BLM: variants seen among roughly 807,000 people sequenced by gnomAD.
BLM encodes the protein recQ-like DNA helicase BLM.
A neutral mutation model predicts 135.3 loss-of-function variants in BLM; 95 were observed. That is an observed-to-expected ratio of 0.70 (90% CI 0.59 to 0.83). The LOEUF is 0.83. Ranked by LOEUF, BLM falls within the 40% of genes least tolerant of loss-of-function variation. The probability of loss-of-function intolerance (pLI) is 0.00; values close to 1 mark genes in which losing one functional copy is unlikely to be tolerated. For synonymous variants in BLM, 520 were observed against 589.2 expected (o/e 0.88, Z 1.70); for missense variants, 1,518 against 1,663.9 (o/e 0.91, Z 1.53).
At chr15:90,798,772 A>G (rs1897093478) in intron 17 of BLM, among the ~76,000 whole-genome samples, 1 of 151,698 alleles carries the variant, frequency 6.6e-6, no homozygotes, top group Admixed American at 6.6e-5. Context: ...ACCTGAGATC[A>G]GGAGTTTGAG....
chr15:90,779,131 C>G (rs910341081), intron 12 of BLM, among the ~76,000 whole-genome samples: 6 of 152,124 alleles, frequency 3.9e-5, no homozygotes, highest in African/African-American at 1.4e-4. Context: ...ATGATCCGCC[C>G]AACTCAGCCT....
At chr15:90,799,948 G>A (rs1897126105) in intron 17 of BLM, among the ~76,000 whole-genome samples, 2 of 152,192 alleles carry the variant, frequency 1.3e-5, no homozygotes, top group Admixed American at 6.5e-5. Flanking sequence ...CAGATGGACT[G>A]TTAGGAGACC....
intron 1 of BLM, among the ~76,000 whole-genome samples, chr15:90,737,026 A>C (rs1483256307): frequency 6.6e-6 from 1 of 152,318 alleles, no homozygotes; most frequent in Admixed American, 6.5e-5. Flanking sequence ...AGAACAGTAC[A>C]AACACAAACT....
chr15:90,751,868 A>T lies in BLM; in HGVS notation c.881A>T (p.Asp294Val). The T allele has an allele frequency of 6.2e-7, 1 of 1,612,748 alleles. No homozygotes were observed. Among genetic ancestry groups the T allele is most frequent in the Non-Finnish European group, 8.5e-7 (1 of 1,178,794 alleles). Residue 294 changes from aspartate (D) to valine (V), a missense_variant, in exon 4 of 22, where the codon GAT becomes GTT. Transcript: ENST00000355112. ...EKVPCIEFDD[D>V]DYDTDFVPPS... ...GTTCCATGTATTGAATTTGATGATGATGATTATGATACGGATTTTGTTCCA... is the reference window on the plus strand; with the variant it reads ...GTTCCATGTATTGAATTTGATGATGTTGATTATGATACGGATTTTGTTCCA...
chr15:90,751,665 C>A, intron 3 of BLM, 122 bp from the exon 4 acceptor site: 1 of 758,934 alleles, frequency 1.3e-6, no homozygotes, highest in Non-Finnish European at 2.2e-6. Flanking sequence ...GGAGAGGATC[C>A]ATACAAAGTG....
chr15:90,762,879 G>T, intron 7 of BLM, 87 bp from the exon 8 acceptor site: 1 of 1,231,374 alleles, frequency 8.1e-7, no homozygotes, highest in Non-Finnish European at 1.2e-6. Flanking sequence ...ACGTGTGCCA[G>T]TGATTCTGCA....
intron 1 of BLM, among the ~76,000 whole-genome samples, chr15:90,728,612 G>A (rs1596199396): frequency 6.8e-6 from 1 of 147,410 alleles, no homozygotes; most frequent in Non-Finnish European, 1.5e-5. Context: ...CACCATGTTG[G>A]CCAGGCTGGT....
At chr15:90,793,981 C>G (rs1280009656) in intron 15 of BLM, 186 bp from the exon 16 acceptor site, 1 of 388,648 alleles carries the variant, frequency 2.6e-6, no homozygotes, top group South Asian at 5.4e-5. Flanking sequence ...TCCTATAGTA[C>G]TAAAATCTTG....
Position 90,785,060 on chromosome 15 carries a change from G to A in BLM, c.2802G>A (p.Trp934Ter). The stretch of plus-strand genomic sequence containing the variant: ...CCAGAGATGAAGTGCAGCAGAAGTG[G>A]ATTAATCAGGATGGCTGTCAGGTAA... The part of the protein sequence containing the change: ...DSARDEVQQK[W>*]INQDGCQVIC... Residue 934 changes from tryptophan (W) to a stop codon, truncating the protein, a stop_gained, in exon 14 of 22, where the codon TGG becomes TGA. Coordinates refer to ENST00000355112, the MANE Select transcript of BLM (RefSeq NM_000057.4). LOFTEE classifies it high-confidence loss of function. 1 of 1,614,108 alleles carries A rather than the reference G, an allele frequency of 6.2e-7. No individual in the cohort carries two copies. The highest frequency in any genetic ancestry group is 8.5e-7 in the Non-Finnish European group (1 of 1,180,010).
intron 17 of BLM, among the ~76,000 whole-genome samples, chr15:90,801,165 TAA>T (rs151335121): frequency 2.7e-5 from 2 of 75,064 alleles, no homozygotes; most frequent in Non-Finnish European, 6.2e-5. Flanking sequence ...AAAAAAGTTG[TAA>T]AAAAAAAAAA....
chr15:90,767,380 A>G (rs1896163161), intron 10 of BLM, among the ~76,000 whole-genome samples: 2 of 152,224 alleles, frequency 1.3e-5, no homozygotes, highest in Admixed American at 1.3e-4. Context: ...TTCTGGTTTC[A>G]CTAGTTGTCC....
At chr15:90,743,835 C>T (rs1253772209) in intron 1 of BLM, among the ~76,000 whole-genome samples, 2 of 152,216 alleles carry the variant, frequency 1.3e-5, no homozygotes, top group East Asian at 3.8e-4. Flanking sequence ...ATTATGTACT[C>T]ATTACCATAC....
At chr15:90,751,316 G>A (rs1895676162) in intron 3 of BLM, among the ~76,000 whole-genome samples, 1 of 152,126 alleles carries the variant, frequency 6.6e-6, no homozygotes, top group African/African-American at 2.4e-5. Flanking sequence ...GGGAAAATTT[G>A]TTAAAAGATA....
At chr15:90,763,605 A>G (rs1012265966) in intron 8 of BLM, among the ~76,000 whole-genome samples, 4 of 152,224 alleles carry the variant, frequency 2.6e-5, no homozygotes, top group African/African-American at 9.7e-5. Flanking sequence ...TCTGCTGCTC[A>G]CAGCAGTGTG....
At position 90,797,414 on chromosome 15, in the gene BLM, C is replaced by CAAA. The variant is rs56369282; in HGVS notation, c.3211-747_3211-745dup. Among the ~76,000 whole-genome samples the CAAA allele has an allele frequency of 6.7e-4, 73 of 109,574 alleles. 1 individual carries two copies. The highest frequency in any genetic ancestry group is 1.6e-3 in the African/African-American group (37 of 23,380). The allele number at this position is 109,574 out of a possible 152,430, so 71.9% of individuals were successfully genotyped here. A position where few individuals can be genotyped will look rare whatever the true frequency, so the allele number is the denominator to read the frequency against. ...CTGGGCGACGAGCGAAACTCCATCTCAAAAAAAAAAAAAAAAAAAAAAAAA... is the reference window on the plus strand; with the variant it reads ...CTGGGCGACGAGCGAAACTCCATCTCAAAAAAAAAAAAAAAAAAAAAAAAAAAA... On this transcript the variant is annotated intron_variant, in intron 16 of 21. Coordinates refer to ENST00000355112, the MANE Select transcript of BLM (RefSeq NM_000057.4).
chr15:90,804,677 C>G (rs910546690), intron 19 of BLM, among the ~76,000 whole-genome samples: 5 of 152,102 alleles, frequency 3.3e-5, no homozygotes, highest in African/African-American at 1.2e-4. Context: ...GTTGCCCAGT[C>G]TGGTCTCGAA....
At chr15:90,763,308 T>C (rs1567042381) in intron 8 of BLM, 151 bp downstream of exon 8, 1 of 811,812 alleles carries the variant, frequency 1.2e-6, no homozygotes, top group Non-Finnish European at 2.0e-6. Flanking sequence ...GCATATTACT[T>C]TATATCCTTT....
At chr15:90,776,419 G>T (rs901696404) in intron 12 of BLM, among the ~76,000 whole-genome samples, 4 of 152,170 alleles carry the variant, frequency 2.6e-5, no homozygotes, top group Non-Finnish European at 5.9e-5. Context: ...ATGTATGGAA[G>T]AGTTGGGGAA....
chr15:90,769,318 G>T, intron 11 of BLM, 87 bp downstream of exon 11: 1 of 1,538,150 alleles, frequency 6.5e-7, no homozygotes, highest in South Asian at 1.1e-5. Context: ...CCCACACTGA[G>T]TGAACGAGTC....
Sources: allele counts gnomAD v4.1 joint callset (sites outside exome capture counted in the v4.1 genomes callset), GRCh38; gene constraint gnomAD v4.1.1; transcripts MANE v1.5; gene names NCBI Gene and HGNC (gene_info 2026-07-23, HGNC 2026-07-21).